The following TMEM132D variants were observed in gnomAD, a reference collection of about 807,000 sequenced individuals.
TMEM132D encodes transmembrane protein 132D.
TMEM132D carries 21 observed loss-of-function variants against 62.3 expected under a neutral mutation model. The observed-to-expected ratio is 0.34, with a 90% CI of 0.24 to 0.49. The LOEUF (loss-of-function observed/expected upper bound fraction) is 0.49, where lower values mean the gene tolerates loss of function less well. TMEM132D is among the 20% of genes least tolerant of loss of function. The probability of loss-of-function intolerance (pLI) is 0.99; values close to 1 mark genes in which losing one functional copy is unlikely to be tolerated. For missense variants in TMEM132D, 1,346 were observed against 1,402.8 expected (o/e 0.96, Z 0.65); for synonymous variants, 621 against 575.6 (o/e 1.08, Z -1.13).
At chr12:129,836,612 T>C (rs1006078380) in intron 1 of TMEM132D, among the ~76,000 whole-genome samples, 1 of 152,146 alleles carries the variant, frequency 6.6e-6, no homozygotes, top group Non-Finnish European at 1.5e-5. Flanking sequence ...ACATTAGCTC[T>C]TTATTAAGTA....
chr12:129,499,694 G>C (rs1875067872), intron 3 of TMEM132D, among the ~76,000 whole-genome samples: 1 of 152,188 alleles, frequency 6.6e-6, no homozygotes, highest in Non-Finnish European at 1.5e-5. Context: ...TGGGACAGTG[G>C]AAACATGGCT....
chr12:129,888,290 A>T (rs1160440001), intron 1 of TMEM132D, among the ~76,000 whole-genome samples: 1 of 152,250 alleles, frequency 6.6e-6, no homozygotes, highest in African/African-American at 2.4e-5. Flanking sequence ...GGATAGAGTA[A>T]CTTCTCCAGG....
rs1051242325 is a variant in TMEM132D, at chr12:129,535,462, G to A, written c.969-4257C>T. Among the ~76,000 whole-genome samples the A allele has an allele frequency of 4.5e-4, 68 of 152,194 alleles. 1 individual carries two copies. Among genetic ancestry groups the A allele is most frequent in the Non-Finnish European group, 5.9e-5 (4 of 68,040 alleles). On this transcript the variant is annotated intron_variant, in intron 2 of 8. Coordinates refer to ENST00000422113, the MANE Select transcript of TMEM132D (RefSeq NM_133448.3). ...ACCACCAGGGGACTCCAAATGATGG[G>A]ATGTGTCAGCCTCCTAAAGTCTATA...
At chr12:129,895,963 CTTTTTTTTT>C (rs957389211) in intron 1 of TMEM132D, among the ~76,000 whole-genome samples, 2 of 97,852 alleles carry the variant, frequency 2.0e-5, no homozygotes, top group Non-Finnish European at 4.4e-5. Flanking sequence ...CTCTGTCTCT[CTTTTTTTTT>C]TTTTTTTTTT....
intron 2 of TMEM132D, among the ~76,000 whole-genome samples, chr12:129,607,334 T>C (rs1273207292): frequency 6.6e-6 from 1 of 152,166 alleles, no homozygotes; most frequent in Non-Finnish European, 1.5e-5. Flanking sequence ...AGCAAAAACC[T>C]GCGATCGCAT....
intron 1 of TMEM132D, among the ~76,000 whole-genome samples, chr12:129,802,370 T>A: frequency 3.3e-5 from 1 of 30,522 alleles, no homozygotes; most frequent in African/African-American, 8.0e-5. Flanking sequence ...CAGAAGACAG[T>A]GGGGGCCAAT....
At chr12:129,713,270 C>G (rs1868446355) in intron 1 of TMEM132D, among the ~76,000 whole-genome samples, 2 of 152,178 alleles carry the variant, frequency 1.3e-5, no homozygotes, top group Admixed American at 1.3e-4. Context: ...AAACACTATT[C>G]AAGCCAATTT....
At chr12:129,643,553 A>G (rs542747957) in intron 2 of TMEM132D, among the ~76,000 whole-genome samples, 1 of 152,222 alleles carries the variant, frequency 6.6e-6, no homozygotes, top group African/African-American at 2.4e-5. Context: ...TTTCTAGTGG[A>G]TGGACACAAT....
chr12:129,718,418 G>A (rs761147982), intron 1 of TMEM132D, among the ~76,000 whole-genome samples: 7 of 152,308 alleles, frequency 4.6e-5, no homozygotes, highest in Admixed American at 1.3e-4. Flanking sequence ...CACGTCTGGT[G>A]CCCATGTTAC....
chr12:129,170,599 C>A (rs1327513989), intron 5 of TMEM132D, among the ~76,000 whole-genome samples: 1 of 152,024 alleles, frequency 6.6e-6, no homozygotes, highest in Non-Finnish European at 1.5e-5. Flanking sequence ...CCGAGGCAGG[C>A]AGATCACTTG....
At chr12:129,447,815 G>T (rs753868298) in intron 3 of TMEM132D, among the ~76,000 whole-genome samples, 2 of 152,144 alleles carry the variant, frequency 1.3e-5, no homozygotes, top group African/African-American at 2.4e-5. Flanking sequence ...AGGAGACTTT[G>T]GTTCCTTGTC....
At chr12:129,620,425 C>T (rs557212327) in intron 2 of TMEM132D, among the ~76,000 whole-genome samples, 1 of 152,270 alleles carries the variant, frequency 6.6e-6, no homozygotes, top group African/African-American at 2.4e-5. Flanking sequence ...ATGGCAAAAG[C>T]CCATCTCTGA....
intron 1 of TMEM132D, among the ~76,000 whole-genome samples, chr12:129,784,190 G>A (rs1417267886): frequency 6.6e-6 from 1 of 152,168 alleles, no homozygotes; most frequent in Non-Finnish European, 1.5e-5. Flanking sequence ...ATCCCCCCGT[G>A]AGACCACGAG....
intron 1 of TMEM132D, among the ~76,000 whole-genome samples, chr12:129,758,985 G>A (rs1378969270): frequency 6.6e-6 from 1 of 150,560 alleles, no homozygotes; most frequent in African/African-American, 2.4e-5. Flanking sequence ...CCAGGCTGGA[G>A]TGCAGTGGCG....
chr12:129,833,502 G>A (rs1827017659), intron 1 of TMEM132D, among the ~76,000 whole-genome samples: 1 of 152,120 alleles, frequency 6.6e-6, no homozygotes, highest in African/African-American at 2.4e-5. Context: ...GTGTGCACCT[G>A]TAGTCCCAGC....
At chr12:129,894,505 C>G (rs1363942218) in intron 1 of TMEM132D, among the ~76,000 whole-genome samples, 1 of 152,148 alleles carries the variant, frequency 6.6e-6, no homozygotes, top group Non-Finnish European at 1.5e-5. Context: ...CCCGGGTCAG[C>G]CTCATCTAAA....
chr12:129,307,797 A>C (rs1881879542), intron 4 of TMEM132D, among the ~76,000 whole-genome samples: 1 of 152,170 alleles, frequency 6.6e-6, no homozygotes, highest in Non-Finnish European at 1.5e-5. Context: ...AGTCTTTGCA[A>C]GTGGTCTTGC....
At chr12:129,891,845 A>AT (rs1415729643) in intron 1 of TMEM132D, among the ~76,000 whole-genome samples, 1 of 152,222 alleles carries the variant, frequency 6.6e-6, no homozygotes, top group African/African-American at 2.4e-5. Flanking sequence ...AAAACAAATT[A>AT]TAGGTACCAC....
At chr12:129,089,948 C>A (rs949659024) in intron 5 of TMEM132D, among the ~76,000 whole-genome samples, 1 of 152,238 alleles carries the variant, frequency 6.6e-6, no homozygotes, top group Non-Finnish European at 1.5e-5. Flanking sequence ...AGGATAAAAA[C>A]CTCCTTTTAG....
Sources: gnomAD v4.1 joint callset for allele counts (sites outside exome capture counted in the v4.1 genomes callset) on GRCh38, gnomAD v4.1.1 for gene constraint, MANE v1.5 for transcripts, NCBI Gene and HGNC (gene_info 2026-07-23, HGNC 2026-07-21) for gene names.